Variants in NVL observed in about 807,000 individuals in gnomAD.
NVL encodes nuclear valosin-containing protein-like.
A neutral mutation model predicts 110.2 loss-of-function variants in NVL; 84 were observed. The observed-to-expected ratio is 0.76, with a 90% CI of 0.64 to 0.91. The LOEUF (loss-of-function observed/expected upper bound fraction) is 0.91. Among genes scored for constraint, NVL ranks in the 40% least tolerant of loss-of-function variants. NVL has a pLI of 0.00. For synonymous variants in NVL, 354 were observed against 361.1 expected (o/e 0.98, Z 0.22); for missense variants, 882 against 1,035.9 (o/e 0.85, Z 2.04).
chr1:224,316,673 A>AG (rs1553336868), intron 4 of NVL, among the ~76,000 whole-genome samples: 2 of 151,194 alleles, frequency 1.3e-5, no homozygotes, highest in African/African-American at 4.9e-5. Context: ...AAAAAAAAAA[A>AG]AAAAAGAAAA....
At chr1:224,299,643 G>A (rs1668206103) in intron 10 of NVL, among the ~76,000 whole-genome samples, 2 of 152,156 alleles carry the variant, frequency 1.3e-5, no homozygotes, top group Non-Finnish European at 2.9e-5. Flanking sequence ...CTCTGGCTAT[G>A]CGTGCCAATT....
chr1:224,313,150 CG>C, intron 4 of NVL: 1 of 228,712 alleles, frequency 4.4e-6, no homozygotes, highest in Non-Finnish European at 8.5e-6. Flanking sequence ...CAGAGCGAGA[CG>C]CTGTCTCAAA....
chr1:224,286,205 A>C, intron 14 of NVL, 75 bp from the exon 15 acceptor site: 1 of 1,086,562 alleles, frequency 9.2e-7, no homozygotes, highest in Non-Finnish European at 1.4e-6. Flanking sequence ...TTCCAGATAC[A>C]TATTTTATGG....
intron 12 of NVL, 131 bp downstream of exon 12, chr1:224,294,136 A>C (rs543399620): frequency 5.9e-6 from 6 of 1,016,490 alleles, no homozygotes; most frequent in East Asian, 5.0e-5. Flanking sequence ...CTCCTTTTCC[A>C]AATCAATTTA....
At chr1:224,258,479 G>C (rs1022834260) in intron 18 of NVL, among the ~76,000 whole-genome samples, 1 of 152,182 alleles carries the variant, frequency 6.6e-6, no homozygotes, top group Non-Finnish European at 1.5e-5. Flanking sequence ...CTTTGGAAAA[G>C]AGTTTAGCAG....
At chr1:224,321,177 T>C (rs185642444) in intron 2 of NVL, among the ~76,000 whole-genome samples, 6 of 152,274 alleles carry the variant, frequency 3.9e-5, no homozygotes, top group Admixed American at 3.9e-4. Context: ...CCCAGGGGGC[T>C]GAAGCTGCAG....
At chr1:224,247,300 G>A (rs925004874) in intron 19 of NVL, among the ~76,000 whole-genome samples, 1 of 151,906 alleles carries the variant, frequency 6.6e-6, no homozygotes, top group African/African-American at 2.4e-5. Context: ...CGACTTCTTG[G>A]GGTTAAGCCA....
chr1:224,255,976 T>C (rs1158977382), intron 18 of NVL, among the ~76,000 whole-genome samples: 1 of 152,240 alleles, frequency 6.6e-6, no homozygotes, highest in Non-Finnish European at 1.5e-5. Flanking sequence ...TTGAAAAGAC[T>C]ATACATTCTC....
chr1:224,250,360 T>A, intron 18 of NVL, 42 bp from the exon 19 acceptor site: 1 of 1,475,844 alleles, frequency 6.8e-7, no homozygotes, highest in African/African-American at 1.5e-5. Flanking sequence ...TAAAACCTTT[T>A]ATTTTTATTT....
chr1:224,239,437 T>A (rs893875536), intron 19 of NVL, among the ~76,000 whole-genome samples: 3 of 152,184 alleles, frequency 2.0e-5, no homozygotes, highest in South Asian at 2.1e-4. Context: ...TAGCGTAGAC[T>A]TTCTTGCTAT....
At chr1:224,320,577 G>A (rs1670544731) in intron 2 of NVL, among the ~76,000 whole-genome samples, 1 of 151,952 alleles carries the variant, frequency 6.6e-6, no homozygotes, top group African/African-American at 2.4e-5. Flanking sequence ...AGCCCAGGAG[G>A]TGGAGGTTGC....
At chr1:224,295,667 T>C (rs1667806227) in intron 11 of NVL, among the ~76,000 whole-genome samples, 1 of 150,374 alleles carries the variant, frequency 6.7e-6, no homozygotes, top group South Asian at 2.1e-4. Flanking sequence ...CTGGGCAACA[T>C]AGTGAGACCG....
chr1:224,281,533 C>A (rs1327187972), intron 15 of NVL, among the ~76,000 whole-genome samples: 1 of 151,548 alleles, frequency 6.6e-6, no homozygotes, highest in Non-Finnish European at 1.5e-5. Context: ...ATCTCCTGAC[C>A]TCGTGATCAG....
At chr1:224,259,015 T>A (rs1663627169) in intron 18 of NVL, among the ~76,000 whole-genome samples, 1 of 145,082 alleles carries the variant, frequency 6.9e-6, no homozygotes. Context: ...GAAAGTAGAT[T>A]AGTGGTTGCC....
In NVL at chr1:224,289,540, G is replaced by T. The variant is rs1667177002; in HGVS notation, c.1519C>A (p.Pro507Thr). Residue 507 changes from proline to threonine, a missense_variant, in exon 13 of 23, where the codon CCA (proline) becomes ACA (threonine). This residue lies in a region of NVL where 416 missense variants were observed against 499.3 expected (regional missense o/e 0.83). Coordinates refer to ENST00000281701, the MANE Select transcript of NVL (RefSeq NM_002533.4). The stretch of plus-strand genomic sequence containing the variant: ...CTTTCCTCCTGGACTCCTTTAGATG[G>T]CAAATCTTCCATTTCAGGATTTTTC... ...QKKNPEMEDL[P>T]SKGVQEERLG... The T allele has an allele frequency of 6.2e-7, 1 of 1,614,194 alleles. No homozygotes were observed. The highest frequency in any genetic ancestry group is 1.7e-5 in the Admixed American group (1 of 60,034).
At chr1:224,293,854 C>T (rs556401195) in intron 12 of NVL, among the ~76,000 whole-genome samples, 1 of 152,208 alleles carries the variant, frequency 6.6e-6, no homozygotes, top group South Asian at 2.1e-4. Context: ...CCCTCTGTCA[C>T]CCAGGTTGGA....
At chr1:224,273,987 G>A (rs1198322285) in intron 17 of NVL, among the ~76,000 whole-genome samples, 4 of 148,880 alleles carry the variant, frequency 2.7e-5, no homozygotes, top group South Asian at 4.3e-4. Context: ...GAATGTTTTC[G>A]GAGATTTTTA....
chr1:224,284,469 T>C (rs1038692512), intron 15 of NVL, among the ~76,000 whole-genome samples: 1 of 152,040 alleles, frequency 6.6e-6, no homozygotes, highest in Non-Finnish European at 1.5e-5. Context: ...TCTGCCTCTT[T>C]GGGTCAAGTG....
chr1:224,236,413 A>C (rs1660476631), intron 20 of NVL, 93 bp downstream of exon 20: 3 of 935,802 alleles, frequency 3.2e-6, no homozygotes, highest in Non-Finnish European at 5.2e-6. Context: ...AATCCTCCCA[A>C]CAATCTGCTG....
Sources: gnomAD v4.1 joint callset for allele counts (sites outside exome capture counted in the v4.1 genomes callset) on GRCh38, gnomAD v4.1.1 for gene constraint, gnomAD v4.1.1 regional missense constraint, MANE v1.5 for transcripts, NCBI Gene and HGNC (gene_info 2026-07-23, HGNC 2026-07-21) for gene names.